Variants in SCHIP1 observed in about 807,000 individuals in gnomAD.
SCHIP1 encodes schwannomin-interacting protein 1.
Under a neutral mutation model 29.7 loss-of-function variants are expected in SCHIP1, and 8 were observed. The ratio of observed to expected loss-of-function variants is 0.27; its 90% CI spans 0.16 to 0.49. The LOEUF (loss-of-function observed/expected upper bound fraction) is 0.49, where lower values mean the gene tolerates loss of function less well. Ranked by LOEUF, SCHIP1 falls within the 20% of genes least tolerant of loss-of-function variation. SCHIP1 has a pLI of 0.99. For synonymous variants in SCHIP1, 76 were observed against 94.9 expected (o/e 0.80, Z 1.16); for missense variants, 193 against 294.6 (o/e 0.66, Z 2.52).
the SCHIP1 span, among the ~76,000 whole-genome samples, chr3:159,516,794 T>A: frequency 2.6e-5 from 4 of 152,128 alleles, no homozygotes; most frequent in African/African-American, 9.7e-5. Context: ...TATCATTCAT[T>A]CCAGCCTGAG....
chr3:159,390,311 CT>C, the SCHIP1 span, among the ~76,000 whole-genome samples: 1 of 151,636 alleles, frequency 6.6e-6, no homozygotes, highest in African/African-American at 2.4e-5. Context: ...ACCATTTTTT[CT>C]TATTTAAAAT....
At chr3:159,494,747 C>T in the SCHIP1 span, among the ~76,000 whole-genome samples, 1 of 152,164 alleles carries the variant, frequency 6.6e-6, no homozygotes, top group Admixed American at 6.5e-5. Flanking sequence ...CTCCCTAACT[C>T]ATTTTTTTAG....
At chr3:159,625,949 T>C in the SCHIP1 span, among the ~76,000 whole-genome samples, 2 of 151,932 alleles carry the variant, frequency 1.3e-5, no homozygotes, top group Non-Finnish European at 2.9e-5. Flanking sequence ...AAAAAGATGC[T>C]GTTAAACCAA....
chr3:159,380,269 C>A, the SCHIP1 span, among the ~76,000 whole-genome samples: 3 of 152,292 alleles, frequency 2.0e-5, 1 homozygote, highest in African/African-American at 7.2e-5. Flanking sequence ...GTTGTACAGT[C>A]TTTCTCCCTC....
chr3:159,837,111 T>TC (rs1044186774), upstream of SCHIP1, among the ~76,000 whole-genome samples: 11 of 130,716 alleles, frequency 8.4e-5, no homozygotes, highest in Admixed American at 1.5e-4. Context: ...ATGTTTAGAC[T>TC]TTTTTTTTTT....
chr3:159,346,086 T>C, the SCHIP1 span, among the ~76,000 whole-genome samples: 2 of 150,910 alleles, frequency 1.3e-5, no homozygotes, highest in African/African-American at 4.9e-5. Context: ...CCCAGCTACT[T>C]GGGAGGCTGA....
At chr3:159,652,739 G>A in the SCHIP1 span, among the ~76,000 whole-genome samples, 1 of 152,222 alleles carries the variant, frequency 6.6e-6, no homozygotes, top group East Asian at 1.9e-4. Context: ...CACATAAGAG[G>A]GTGAGGCATT....
At chr3:159,598,208 C>G in the SCHIP1 span, among the ~76,000 whole-genome samples, 1 of 152,166 alleles carries the variant, frequency 6.6e-6, no homozygotes, top group Non-Finnish European at 1.5e-5. Flanking sequence ...TCTCCCAAAT[C>G]TTATGTCCGT....
At chr3:159,756,051 C>T in the SCHIP1 span, among the ~76,000 whole-genome samples, 17 of 152,334 alleles carry the variant, frequency 1.1e-4, 1 homozygote, top group South Asian at 3.3e-3. Context: ...ACAGTGCAAG[C>T]TGTTGGTGGA....
At chr3:159,558,921 A>C in the SCHIP1 span, among the ~76,000 whole-genome samples, 1 of 152,096 alleles carries the variant, frequency 6.6e-6, no homozygotes, top group Non-Finnish European at 1.5e-5. Flanking sequence ...CACACTTTTT[A>C]TAAATATAGT....
chr3:159,437,241 C>T, the SCHIP1 span, among the ~76,000 whole-genome samples: 1 of 152,042 alleles, frequency 6.6e-6, no homozygotes, highest in Non-Finnish European at 1.5e-5. Flanking sequence ...TGAGGGGCTC[C>T]AAGGATCCTG....
chr3:159,765,303 AG>A, the SCHIP1 span: 8 of 803,822 alleles, frequency 1.0e-5, no homozygotes, highest in South Asian at 7.7e-5. Flanking sequence ...CCTGGGGATA[AG>A]GTTGCTCGGT....
At chr3:159,895,236 G>GTAC (rs753891253) in intron 6 of SCHIP1, among the ~76,000 whole-genome samples, 1 of 152,140 alleles carries the variant, frequency 6.6e-6, no homozygotes, top group Non-Finnish European at 1.5e-5. Flanking sequence ...TACCTTTATT[G>GTAC]TTAGTTGAAT....
the SCHIP1 span, among the ~76,000 whole-genome samples, chr3:159,404,585 G>A: frequency 6.6e-6 from 1 of 152,158 alleles, no homozygotes; most frequent in African/African-American, 2.4e-5. Context: ...GAAAGACTTT[G>A]TCTTGTGGCC....
the SCHIP1 span, among the ~76,000 whole-genome samples, chr3:159,714,460 T>C: frequency 6.6e-6 from 1 of 152,062 alleles, no homozygotes; most frequent in Admixed American, 6.5e-5. Flanking sequence ...ACCCGGGAAG[T>C]GCAGCGCAAG....
the SCHIP1 span, among the ~76,000 whole-genome samples, chr3:159,470,948 G>A: frequency 2.0e-5 from 3 of 152,190 alleles, no homozygotes; most frequent in Middle Eastern, 3.4e-3. Flanking sequence ...CAAAGGTAGA[G>A]GGGGAGAAAA....
At chr3:159,393,166 T>C in the SCHIP1 span, among the ~76,000 whole-genome samples, 1 of 152,210 alleles carries the variant, frequency 6.6e-6, no homozygotes, top group Non-Finnish European at 1.5e-5. Context: ...GGTTGTTTGT[T>C]TTTTTCTTGT....
chr3:159,764,450 G>A, the SCHIP1 span: 2 of 1,590,470 alleles, frequency 1.3e-6, no homozygotes, highest in Non-Finnish European at 1.7e-6. This position sits in a 1 kb window ranked among gnomAD's most constrained non-coding sequence, Gnocchi z 6.1. Flanking sequence ...TAGGATTACC[G>A]AGAGGATGGG....
chr3:159,497,764 A>T, the SCHIP1 span, among the ~76,000 whole-genome samples: 1 of 152,072 alleles, frequency 6.6e-6, no homozygotes, highest in African/African-American at 2.4e-5. Flanking sequence ...ACACATTTAA[A>T]ATTGAGTACT....
Sources: allele counts gnomAD v4.1 joint callset (sites outside exome capture counted in the v4.1 genomes callset), GRCh38; gene constraint gnomAD v4.1.1; non-coding constraint Gnocchi (gnomAD v3.1); transcripts MANE v1.5; gene names NCBI Gene and HGNC (gene_info 2026-07-23, HGNC 2026-07-21).